Variants in SRFBP1 observed in about 807,000 individuals in gnomAD.
The protein encoded by SRFBP1 is serum response factor-binding protein 1.
A neutral mutation model predicts 45.5 loss-of-function variants in SRFBP1; 47 were observed. The ratio of observed to expected loss-of-function variants is 1.03; its 90% CI spans 0.82 to 1.32. The LOEUF (loss-of-function observed/expected upper bound fraction) is 1.32, where lower values mean the gene tolerates loss of function less well. Among genes scored for constraint, SRFBP1 ranks in the 40% most tolerant of loss-of-function variants. The pLI is 0.00. For synonymous variants in SRFBP1, 203 were observed against 166.3 expected (o/e 1.22, Z -1.70); for missense variants, 621 against 484.6 (o/e 1.28, Z -2.64).
chr5:122,006,894 A>G (rs73285750), intron 4 of SRFBP1, among the ~76,000 whole-genome samples: 5,289 of 152,046 alleles, frequency 0.035, 387 homozygotes, highest in African/African-American at 0.12. Flanking sequence ...ATTCTGTTCT[A>G]TATCTTCATT....
chr5:122,069,551 T>G (rs1754393177), intron 2 of SRFBP1, among the ~76,000 whole-genome samples: 1 of 152,110 alleles, frequency 6.6e-6, no homozygotes, highest in Non-Finnish European at 1.5e-5. Flanking sequence ...TTTTGCAGAG[T>G]ATTTTCCTAG....
At chr5:121,983,640 C>A (rs914355592) in intron 3 of SRFBP1, among the ~76,000 whole-genome samples, 1 of 151,558 alleles carries the variant, frequency 6.6e-6, no homozygotes, top group African/African-American at 2.4e-5. Flanking sequence ...AGCTTTTGTT[C>A]ACTGAAACAA....
chr5:122,066,491 AC>A (rs1387324639), intron 2 of SRFBP1: 3 of 397,698 alleles, frequency 7.5e-6, no homozygotes, highest in Admixed American at 4.0e-5. Context: ...ATATGTAATT[AC>A]AGAATTGAAA....
intron 2 of SRFBP1, among the ~76,000 whole-genome samples, chr5:122,056,241 C>T (rs2152579833): frequency 6.6e-6 from 1 of 152,206 alleles, no homozygotes. Context: ...CAATTTGGGG[C>T]TGATCTTTTT....
intron 2 of SRFBP1, among the ~76,000 whole-genome samples, chr5:122,043,041 CA>C (rs1753795275): frequency 1.3e-5 from 2 of 152,044 alleles, no homozygotes; most frequent in Non-Finnish European, 2.9e-5. Context: ...CTGTGTTCAT[CA>C]ATTTTTCCTT....
At chr5:122,038,253 TA>T (rs1010742066) in intron 2 of SRFBP1, among the ~76,000 whole-genome samples, 34 of 152,222 alleles carry the variant, frequency 2.2e-4, no homozygotes, top group Admixed American at 1.1e-3. Flanking sequence ...GATACTCCTA[TA>T]GGGGTGGGGG....
chr5:122,075,438 G>T, exon 3 of SRFBP1: 1 of 1,613,734 alleles, frequency 6.2e-7, no homozygotes, highest in Non-Finnish European at 8.5e-7. Flanking sequence ...GAATATCTTG[G>T]TCGGCTGGGT....
intron 2 of SRFBP1, among the ~76,000 whole-genome samples, chr5:122,060,745 A>G (rs1464687849): frequency 6.6e-6 from 1 of 152,104 alleles, no homozygotes; most frequent in East Asian, 1.9e-4. Flanking sequence ...GTTGATTCAC[A>G]AAGAAACAGA....
intron 3 of SRFBP1, among the ~76,000 whole-genome samples, chr5:121,986,776 G>T (rs773960435): frequency 6.6e-6 from 1 of 151,954 alleles, no homozygotes; most frequent in Non-Finnish European, 1.5e-5. Context: ...TTCATTATTA[G>T]TGGTATTTAA....
chr5:121,968,941 T>C lies in SRFBP1; in HGVS notation c.37-5255T>C, dbSNP rs180689777. ...TAGAATAACTATTTTCTAATAACTA[T>C]AGATTTTTGTTACAGGCTAACTCAA... On this transcript the variant is annotated intron_variant, in intron 1 of 7. Transcript: ENST00000339397. Among the ~76,000 whole-genome samples, 13 of 152,338 alleles carry C rather than the reference T, an allele frequency of 8.5e-5. No homozygotes were observed. In the East Asian group the frequency reaches 2.5e-3, roughly 29 times the overall value.
At chr5:121,998,836 GT>G (rs1752793264) in intron 4 of SRFBP1, among the ~76,000 whole-genome samples, 1 of 152,152 alleles carries the variant, frequency 6.6e-6, no homozygotes, top group Non-Finnish European at 1.5e-5. Flanking sequence ...CCAGTGTTAG[GT>G]GGCATCATCA....
intron 4 of SRFBP1, among the ~76,000 whole-genome samples, chr5:122,015,233 C>T (rs771905252): frequency 2.6e-5 from 4 of 152,128 alleles, no homozygotes; most frequent in Non-Finnish European, 5.9e-5. Flanking sequence ...TTAAAATATA[C>T]TGCTTCTTCA....
intron 7 of SRFBP1, among the ~76,000 whole-genome samples, chr5:122,024,819 G>C (rs1161965765): frequency 6.6e-6 from 1 of 152,042 alleles, no homozygotes; most frequent in Non-Finnish European, 1.5e-5. Context: ...TGCTTAGCTT[G>C]TATGCTTAAA....
chr5:122,065,339 A>G (rs1478314070), intron 2 of SRFBP1: 2 of 152,108 alleles, frequency 1.3e-5, no homozygotes, highest in Admixed American at 6.6e-5. Flanking sequence ...GCACTGGAAA[A>G]TCTTACTTGA....
chr5:122,004,455 G>A (rs1415919996), intron 4 of SRFBP1, among the ~76,000 whole-genome samples: 1 of 152,000 alleles, frequency 6.6e-6, no homozygotes, highest in Non-Finnish European at 1.5e-5. Context: ...ATTTATTTCA[G>A]GTGTCTCTAT....
intron 2 of SRFBP1, among the ~76,000 whole-genome samples, chr5:122,040,285 C>G (rs191671790): frequency 1.6e-4 from 25 of 152,086 alleles, no homozygotes; most frequent in Middle Eastern, 6.8e-3. Context: ...AATTGTAGAA[C>G]AAATTATATG....
chr5:122,019,192 T>A, intron 4 of SRFBP1, 68 bp from the exon 5 acceptor site: 1 of 1,304,774 alleles, frequency 7.7e-7, no homozygotes, highest in African/African-American at 1.5e-5. Flanking sequence ...TAGATTTTAT[T>A]TTATTCACTT....
chr5:121,974,628 C>G (rs1278852948), intron 2 of SRFBP1, among the ~76,000 whole-genome samples: 1 of 151,706 alleles, frequency 6.6e-6, no homozygotes, highest in African/African-American at 2.4e-5. Flanking sequence ...TCTAGTAATA[C>G]CTTAAGAATC....
chr5:121,967,394 G>A (rs953797579), intron 1 of SRFBP1, among the ~76,000 whole-genome samples: 2 of 152,102 alleles, frequency 1.3e-5, no homozygotes, highest in African/African-American at 2.4e-5. Flanking sequence ...GTTTTGCTAG[G>A]TGGCAGCATA....
Sources: gnomAD v4.1 joint callset for allele counts (sites outside exome capture counted in the v4.1 genomes callset) on GRCh38, gnomAD v4.1.1 for gene constraint, MANE v1.5 for transcripts, NCBI Gene and HGNC (gene_info 2026-07-23, HGNC 2026-07-21) for gene names.